The following TTC3 variants were observed in gnomAD, a reference collection of about 807,000 sequenced individuals.
TTC3 encodes tetratricopeptide repeat domain 3.
TTC3 carries 180 observed loss-of-function variants against 249.6 expected under a neutral mutation model. The observed-to-expected ratio is 0.72, with a 90% CI of 0.64 to 0.82. TTC3 has a LOEUF of 0.82. Ranked by LOEUF, TTC3 falls within the 40% of genes least tolerant of loss-of-function variation. The pLI, the probability that TTC3 is intolerant of heterozygous loss-of-function variation, is 0.00. For synonymous variants in TTC3, 717 were observed against 805.0 expected, an observed-to-expected ratio of 0.89 and a Z score of 1.85; for missense variants, 2,061 against 2,398.4, an observed-to-expected ratio of 0.86 and a Z score of 2.94.
At chr21:37,196,137 G>T in intron 42 of TTC3, 101 bp downstream of exon 42, 2 of 1,458,790 alleles carry the variant, frequency 1.4e-6, no homozygotes, top group Admixed American at 2.3e-5. Context: ...CATGAAAAGG[G>T]TTGCATAATT....
At chr21:37,170,514 A>C (rs180720575) in intron 34 of TTC3, among the ~76,000 whole-genome samples, 2 of 152,194 alleles carry the variant, frequency 1.3e-5, no homozygotes, top group Non-Finnish European at 2.9e-5. Flanking sequence ...GGGGATTTGT[A>C]TGTTTGTTTT....
chr21:37,189,418 G>A (rs530857347), intron 39 of TTC3, among the ~76,000 whole-genome samples: 15 of 151,736 alleles, frequency 9.9e-5, no homozygotes, highest in Non-Finnish European at 2.2e-4. Context: ...CTAATTTTTT[G>A]TATTTGTAGT....
chr21:37,096,065 A>ATCAGAGGTGAG (rs2073910431), intron 9 of TTC3, among the ~76,000 whole-genome samples: 1 of 152,222 alleles, frequency 6.6e-6, no homozygotes, highest in African/African-American at 2.4e-5. Flanking sequence ...CGGTTAGTGT[A>ATCAGAGGTGAG]CCACCTCTGA....
intron 10 of TTC3, among the ~76,000 whole-genome samples, chr21:37,102,864 G>C (rs73201942): frequency 0.34 from 52,113 of 152,086 alleles, 10,713 homozygotes; most frequent in Non-Finnish European, 0.47. Flanking sequence ...GGGCATGTTG[G>C]TGCATGCCTG....
chr21:37,156,660 G>A (rs1296185376), exon 28 of TTC3: 3 of 1,609,898 alleles, frequency 1.9e-6, no homozygotes, highest in Non-Finnish European at 2.5e-6. Flanking sequence ...TACAGGCTTA[G>A]ATGCCACAGG....
chr21:37,192,491 T>TTGTGTGTGTGTGTGTGTG (rs60538841), intron 41 of TTC3, among the ~76,000 whole-genome samples: 6,457 of 140,514 alleles, frequency 0.046, 219 homozygotes, highest in African/African-American at 0.087. Context: ...TCTTCTATCT[T>TTGTGTGTGTGTGTGTGTG]TGTGTGTGTG....
intron 11 of TTC3, among the ~76,000 whole-genome samples, chr21:37,110,540 A>G (rs553451442): frequency 7.4e-4 from 113 of 152,368 alleles, no homozygotes; most frequent in African/African-American, 2.5e-3. Flanking sequence ...AAAGCCTCCA[A>G]GAAATATGGG....
chr21:37,102,603 A>C lies in TTC3; in HGVS notation c.846-5789A>C, dbSNP rs570462970. ...TTTTAGAAATAATGGCAAAACCCCT[A>C]ATTACTTTTGCACCAACCTAATAAT... On this transcript the variant is annotated intron_variant, in intron 10 of 45. Coordinates refer to ENST00000355666, the Ensembl canonical transcript of TTC3. Among the ~76,000 whole-genome samples the C allele has an allele frequency of 2.6e-5, 4 of 152,370 alleles. No homozygotes were observed. The East Asian group carries it at 7.7e-4, about 29-fold the overall frequency.
intron 11 of TTC3, among the ~76,000 whole-genome samples, chr21:37,120,670 G>T (rs762089421): frequency 6.6e-6 from 1 of 152,114 alleles, no homozygotes; most frequent in Non-Finnish European, 1.5e-5. Flanking sequence ...TCTGAGCTAA[G>T]CCCAAATAGT....
At chr21:37,187,195 G>A (rs762650047) in intron 38 of TTC3, 50 bp downstream of exon 38, 1 of 1,396,366 alleles carries the variant, frequency 7.2e-7, no homozygotes, top group East Asian at 2.4e-5. Flanking sequence ...ATTTGTTTTT[G>A]TGTTTCTTTA....
At position 37,076,901 on chromosome 21, in the gene TTC3, A is replaced by C. The variant is rs555143703; in HGVS notation, c.-12+3537A>C. 1.0e-3 allele frequency among the ~76,000 whole-genome samples: 157 copies of C among 151,912 alleles called. 5 individuals are homozygous for C. In the South Asian group the frequency reaches 0.028, roughly 27 times the overall value. ...TTTTTAGTAGAGACGGGATTTCACC[A>C]TGTTGGCTAGGCACGTCTTGAACTC... On this transcript the variant is annotated intron_variant, in intron 1 of 45. Transcript: ENST00000355666.
intron 10 of TTC3, chr21:37,096,902 A>T (rs1020056855): frequency 6.4e-6 from 2 of 312,120 alleles, no homozygotes; most frequent in African/African-American, 4.3e-5. Flanking sequence ...CAGCACCCGT[A>T]ATAGGTAGGT....
exon 46 of TTC3, chr21:37,202,171 G>A (rs1020262184): frequency 1.3e-5 from 2 of 152,122 alleles, no homozygotes; most frequent in African/African-American, 2.4e-5. Context: ...AATCCCATCT[G>A]CATTTGATTT....
chr21:37,194,066 C>T (rs2084554468), intron 41 of TTC3: 1 of 152,160 alleles, frequency 6.6e-6, no homozygotes, highest in African/African-American at 2.4e-5. Context: ...AATAGAAGCC[C>T]AGTATGACGC....
At chr21:37,083,174 G>A in intron 1 of TTC3, 1 of 985,406 alleles carries the variant, frequency 1.0e-6, no homozygotes, top group South Asian at 4.7e-5. Context: ...TGAGTATTAA[G>A]AACTAATAGA....
At chr21:37,115,270 C>T (rs2076045844) in intron 11 of TTC3, among the ~76,000 whole-genome samples, 1 of 151,232 alleles carries the variant, frequency 6.6e-6, no homozygotes, top group Non-Finnish European at 1.5e-5. Context: ...AGAATGAAAC[C>T]AATAGTGCAG....
rs747402689 is a variant in TTC3, at chr21:37,124,606, T to A, written c.1110-13T>A. Reference sequence around the variant, plus strand: ...CAAAAAATGTATAATAATTCCTTTTTTCCCCCACTTAGGGCCTACACACCT... The same window carrying A: ...CAAAAAATGTATAATAATTCCTTTTATCCCCCACTTAGGGCCTACACACCT... On this transcript the variant is annotated splice_polypyrimidine_tract_variant and intron_variant, in intron 13 of 45. Transcript: ENST00000355666. 6.2e-7 allele frequency: 1 copy of A among 1,605,304 alleles called. No individual in the cohort carries two copies.
intron 3 of TTC3, 153 bp downstream of exon 3, chr21:37,088,028 A>G: frequency 1.0e-6 from 1 of 959,442 alleles, no homozygotes; most frequent in Non-Finnish European, 1.5e-6. Flanking sequence ...CTTTGTTAAA[A>G]TAGAGTTTTT....
At chr21:37,187,433 A>G (rs2083429690) in intron 38 of TTC3, among the ~76,000 whole-genome samples, 2 of 152,186 alleles carry the variant, frequency 1.3e-5, no homozygotes, top group African/African-American at 4.8e-5. Context: ...TATATTATAC[A>G]CTTTGAATAC....
Sources: allele counts gnomAD v4.1 joint callset (sites outside exome capture counted in the v4.1 genomes callset), GRCh38; gene constraint gnomAD v4.1.1; transcripts MANE v1.5; gene names NCBI Gene and HGNC (gene_info 2026-07-23, HGNC 2026-07-21).